Variants in TRIO observed in about 807,000 individuals in gnomAD.
The protein encoded by TRIO is trio Rho guanine nucleotide exchange factor, also known as triple functional domain protein.
In TRIO, 58 loss-of-function variants were observed where a neutral mutation model predicts 351.9. That is an observed-to-expected ratio of 0.16 (90% CI 0.13 to 0.21). The LOEUF (loss-of-function observed/expected upper bound fraction) is 0.21, where lower values mean the gene tolerates loss of function less well. TRIO is among the 10% of genes least tolerant of loss of function. The pLI is 1.00. For synonymous variants in TRIO, 1,758 were observed against 1,595.7 expected (o/e 1.10, Z -2.42); for missense variants, 3,201 against 4,027.8 (o/e 0.79, Z 5.56).
chr5:14,399,311 T>A (rs1747873056), intron 30 of TRIO: 1 of 496,562 alleles, frequency 2.0e-6, no homozygotes, highest in South Asian at 4.4e-5. Context: ...CTGTATCATA[T>A]AACTGCAGGA....
In TRIO at chr5:14,504,506, G is replaced by T; in HGVS notation, c.8525G>T (p.Gly2842Val). The change falls in exon 55 of 57, where the codon GGC becomes GTC. Residue 2842 changes from glycine (G) to valine (V), a missense_variant. Physicochemically the swap from Gly to Val is moderately radical, Grantham distance 109. This residue lies in a region of TRIO where 1,089 missense variants were observed against 954.9 expected (regional missense o/e 1.14). Transcript: ENST00000344204. The stretch of plus-strand genomic sequence containing the variant: ...CGCGACCAGGTCACCCATGAGCTTG[G>T]CATCCTGCAGAGCCTCCAGCACCCC... ...MKRDQVTHELGILQSLQHPLL... is the reference protein window; with the variant it reads ...MKRDQVTHELVILQSLQHPLL... 6.2e-7 allele frequency: 1 copy of T among 1,614,102 alleles called. No homozygotes were observed. The highest frequency in any genetic ancestry group is 2.2e-5 in the East Asian group (1 of 44,870).
In TRIO at chr5:14,381,176, A is replaced by G; in HGVS notation, c.3494A>G (p.His1165Arg). 1 of 1,614,026 alleles carries G rather than the reference A, an allele frequency of 6.2e-7. No homozygotes were observed. Residue 1165 changes from histidine to arginine, a missense_variant, in exon 21 of 57, where the codon CAC (histidine) becomes CGC (arginine). His to Arg is a conservative substitution (Grantham distance 29, BLOSUM62 0). Around this residue, in one of 19 missense-constraint regions of TRIO, gnomAD observed 201 missense variants for 266.5 expected, o/e 0.75. Coordinates refer to ENST00000344204, the MANE Select transcript of TRIO (RefSeq NM_007118.4). ...HDNGEFYLST[H>R]TSTGSSIQHT... is the part of the protein sequence containing the mutation. ...AATGGCGAGTTCTACCTTTCCACAC[A>G]CACCTCCACGGGCTCCAGTATACAG...
intron 1 of TRIO, among the ~76,000 whole-genome samples, chr5:14,216,008 A>T (rs1405033355): frequency 2.0e-5 from 3 of 152,136 alleles, no homozygotes; most frequent in Non-Finnish European, 2.9e-5. Context: ...TCTGTGCGTT[A>T]GTTTCCTTGT....
intron 11 of TRIO, among the ~76,000 whole-genome samples, chr5:14,340,249 T>C (rs1741821319): frequency 6.6e-6 from 1 of 151,804 alleles, no homozygotes; most frequent in Admixed American, 6.6e-5. Flanking sequence ...ACAAAAAAAT[T>C]AGCCAGGCGT....
chr5:14,230,049 C>T (rs898245522), intron 1 of TRIO, among the ~76,000 whole-genome samples: 6 of 152,164 alleles, frequency 3.9e-5, no homozygotes, highest in African/African-American at 9.7e-5. Context: ...CGTTTGCCAG[C>T]GCTTGCACGT....
chr5:14,357,928 G>GCC (rs946594905), intron 11 of TRIO, among the ~76,000 whole-genome samples: 1 of 152,050 alleles, frequency 6.6e-6, no homozygotes, highest in African/African-American at 2.4e-5. Flanking sequence ...AGTGCTGCCC[G>GCC]CCGTTCGCCT....
chr5:14,423,086 C>T (rs763042182), intron 34 of TRIO, among the ~76,000 whole-genome samples: 5 of 152,234 alleles, frequency 3.3e-5, no homozygotes, highest in African/African-American at 7.2e-5. Flanking sequence ...GTCCTTCCTC[C>T]GTCTCAGCAT....
intron 1 of TRIO, among the ~76,000 whole-genome samples, chr5:14,153,813 CACAG>C (rs1186113307): frequency 2.0e-5 from 3 of 152,196 alleles, no homozygotes; most frequent in Non-Finnish European, 2.9e-5. Flanking sequence ...TACAGCATCC[CACAG>C]CCTCCTGGAT....
chr5:14,506,060 G>T (rs1178076177), intron 55 of TRIO, among the ~76,000 whole-genome samples: 2 of 152,206 alleles, frequency 1.3e-5, no homozygotes, highest in Non-Finnish European at 2.9e-5. Flanking sequence ...CGACATCCAA[G>T]CCGAGGCCTG....
At chr5:14,473,456 T>TA (rs1321062958) in intron 39 of TRIO, among the ~76,000 whole-genome samples, 1 of 152,240 alleles carries the variant, frequency 6.6e-6, no homozygotes. Flanking sequence ...CACAATGAGA[T>TA]AAGCAACCTG....
intron 28 of TRIO, among the ~76,000 whole-genome samples, chr5:14,396,171 G>A (rs1240963414): frequency 6.6e-6 from 1 of 151,846 alleles, no homozygotes; most frequent in Admixed American, 6.6e-5. Flanking sequence ...CACACATAGG[G>A]CTCCCCAGAG....
intron 34 of TRIO, among the ~76,000 whole-genome samples, chr5:14,434,621 C>T (rs1485269737): frequency 6.6e-6 from 1 of 152,220 alleles, no homozygotes. Flanking sequence ...TGATGAAAAT[C>T]GGGCATGAAC....
In TRIO at chr5:14,488,094, TC is replaced by T; in HGVS notation, c.7470del (p.Ala2491ProfsTer36). On this transcript the variant is annotated frameshift_variant, in exon 48 of 57. Transcript: ENST00000344204. LOFTEE classifies it high-confidence loss of function. ...AAGGGGGGCTCCTTCTGGAGCTCCA[TC>T]CCCGCCTCCCCCGCCAGCCGACCCG... Reference protein sequence around the residue: ...LQKGGSFWSSIPASPASRPGS... With the variant: ...LQKGGSFWSSXPASPASRPGS... 6.2e-7 allele frequency: 1 copy of T among 1,602,900 alleles called. No individual in the cohort carries two copies. The highest frequency in any genetic ancestry group is 8.5e-7 in the Non-Finnish European group (1 of 1,177,814).
intron 24 of TRIO, 56 bp downstream of exon 24, chr5:14,388,735 T>C: frequency 6.4e-7 from 1 of 1,557,188 alleles, no homozygotes; most frequent in Non-Finnish European, 8.7e-7. Flanking sequence ...AGCATAAGCT[T>C]GCTATTTTAT....
At chr5:14,218,208 C>A (rs373126660) in intron 1 of TRIO, among the ~76,000 whole-genome samples, 1 of 152,292 alleles carries the variant, frequency 6.6e-6, no homozygotes. Flanking sequence ...GTGGCACAGA[C>A]CTGCCTGGAC....
chr5:14,379,351 T>C (rs1745860293), intron 20 of TRIO, among the ~76,000 whole-genome samples: 1 of 152,222 alleles, frequency 6.6e-6, no homozygotes, highest in African/African-American at 2.4e-5. Context: ...GTTTCCCACT[T>C]AAGGAACAGC....
chr5:14,327,305 C>T (rs1740474986), intron 9 of TRIO, among the ~76,000 whole-genome samples: 1 of 152,162 alleles, frequency 6.6e-6, no homozygotes, highest in African/African-American at 2.4e-5. Context: ...GCTGGGATTA[C>T]AGGTGTACAC....
At chr5:14,156,123 T>A (rs1788091697) in intron 1 of TRIO, among the ~76,000 whole-genome samples, 1 of 151,850 alleles carries the variant, frequency 6.6e-6, no homozygotes, top group Non-Finnish European at 1.5e-5. Flanking sequence ...TTATCTAAGA[T>A]TTGGCTAGTG....
In TRIO at chr5:14,485,261, G is replaced by C. The variant is rs1161652589; in HGVS notation, c.6835+15G>C. The C allele has an allele frequency of 3.2e-6, 5 of 1,558,850 alleles. No homozygotes were observed. Among genetic ancestry groups the C allele is most frequent in the East Asian group, 4.6e-5 (2 of 43,694 alleles). Reference sequence around the variant, plus strand: ...TTTTTTAAATGGTAATGTGTGTTCTGTTACTAGATGTGTGCTTTCTTTCCT... The same window carrying C: ...TTTTTTAAATGGTAATGTGTGTTCTCTTACTAGATGTGTGCTTTCTTTCCT... On this transcript the variant is annotated intron_variant, in intron 47 of 56. Transcript: ENST00000344204.
Sources: gnomAD v4.1 joint callset for allele counts (sites outside exome capture counted in the v4.1 genomes callset) on GRCh38, gnomAD v4.1.1 for gene constraint, gnomAD v4.1.1 regional missense constraint, MANE v1.5 for transcripts, NCBI Gene and HGNC (gene_info 2026-07-23, HGNC 2026-07-21) for gene names.